BICC1: variants seen among roughly 807,000 people sequenced by gnomAD.
BICC1 encodes protein bicaudal C homolog 1.
Under a neutral mutation model 111.0 loss-of-function variants are expected in BICC1, and 43 were observed. That is an observed-to-expected ratio of 0.39 (90% CI 0.30 to 0.50). BICC1 has a LOEUF of 0.50. Ranked by LOEUF, BICC1 falls within the 20% of genes least tolerant of loss-of-function variation. The pLI is 0.88. For synonymous variants in BICC1, 467 were observed against 434.4 expected (o/e 1.07, Z -0.93); for missense variants, 1,091 against 1,203.2 (o/e 0.91, Z 1.38).
At chr10:58,573,503 AT>A (rs1312647873) in intron 1 of BICC1, among the ~76,000 whole-genome samples, 3 of 152,134 alleles carry the variant, frequency 2.0e-5, no homozygotes, top group Admixed American at 2.0e-4. Context: ...AATTTGATGG[AT>A]TATAATTCTT....
rs1192029428 is a variant in BICC1, at chr10:58,521,779, T to G, written c.190+8446T>G. Reference sequence around the variant, plus strand: ...CCAGGGAATGTGGTGTTTTTTTTTTTTTTTTTTTTTTTTTTTTTTTTTTTT... The same window carrying G: ...CCAGGGAATGTGGTGTTTTTTTTTTGTTTTTTTTTTTTTTTTTTTTTTTTT... On this transcript the variant is annotated intron_variant, in intron 1 of 20. Coordinates refer to ENST00000373886, the MANE Select transcript of BICC1 (RefSeq NM_001080512.3). Among the ~76,000 whole-genome samples, 54 of 28,846 alleles carry G rather than the reference T, an allele frequency of 1.9e-3. 1 individual carries two copies. Among genetic ancestry groups the G allele is most frequent in the African/African-American group, 0.013 (48 of 3,576 alleles). The allele number at this position is 28,846 out of a possible 152,430, so 18.9% of individuals were successfully genotyped here.
intron 3 of BICC1, among the ~76,000 whole-genome samples, chr10:58,760,462 G>A (rs4948316): frequency 1 from 152,087 of 152,288 alleles, 75,943 homozygotes; most frequent in Middle Eastern, 1. Context: ...TAGGTTTTCT[G>A]AATCATTTAT....
rs369581068 is a variant in BICC1, at chr10:58,562,531, T to A, written c.190+49198T>A. Among the ~76,000 whole-genome samples, 4 of 152,304 alleles carry A rather than the reference T, an allele frequency of 2.6e-5. No individual in the cohort carries two copies. In the South Asian group the frequency reaches 8.3e-4, roughly 32 times the overall value. On this transcript the variant is annotated intron_variant, in intron 1 of 20. Transcript: ENST00000373886. ...GATCATGAATTGTTTTTGTTTTCAT[T>A]GAATTCTCAGTCTGTATTCTCTTGT...
At chr10:58,610,775 C>T (rs1845393467) in intron 1 of BICC1, among the ~76,000 whole-genome samples, 1 of 151,870 alleles carries the variant, frequency 6.6e-6, no homozygotes, top group African/African-American at 2.4e-5. Context: ...TTTTGCGGTT[C>T]ACACATTTTG....
In BICC1 at chr10:58,513,256, G is replaced by A. The variant is rs1298181941; in HGVS notation, c.113G>A (p.Gly38Glu). The A allele has an allele frequency of 6.2e-7, 1 of 1,613,052 alleles. No individual in the cohort carries two copies. Among genetic ancestry groups the A allele is most frequent in the Non-Finnish European group, 8.5e-7 (1 of 1,179,686 alleles). ...VPGSEDDLVA[G>E]ATLHSPEWSE... ...GGCTCCGAGGACGACTTGGTCGCCG[G>A]GGCGACCCTGCACAGCCCGGAGTGG... The change falls in exon 1 of 21, where the codon GGG becomes GAG. Residue 38 changes from glycine to glutamate, a missense_variant. Gly to Glu is a moderately conservative substitution (Grantham distance 98). Coordinates refer to ENST00000373886, the MANE Select transcript of BICC1 (RefSeq NM_001080512.3).
At chr10:58,639,753 C>T (rs1451227971) in intron 2 of BICC1, among the ~76,000 whole-genome samples, 2 of 113,002 alleles carry the variant, frequency 1.8e-5, no homozygotes, top group African/African-American at 6.5e-5. Flanking sequence ...GAGACAGGGT[C>T]CTTCGTCTCC....
At chr10:58,590,446 A>G (rs930665453) in intron 1 of BICC1, among the ~76,000 whole-genome samples, 5 of 152,186 alleles carry the variant, frequency 3.3e-5, no homozygotes, top group African/African-American at 9.7e-5. Flanking sequence ...ATCTCTCCCC[A>G]TTTTAGAGTA....
chr10:58,771,550 G>A (rs1052226775), intron 3 of BICC1, among the ~76,000 whole-genome samples: 2 of 152,034 alleles, frequency 1.3e-5, no homozygotes, highest in Non-Finnish European at 2.9e-5. Flanking sequence ...TGCACTGGAG[G>A]GGCCTGACAA....
At chr10:58,529,541 A>G (rs954996478) in intron 1 of BICC1, among the ~76,000 whole-genome samples, 1 of 151,934 alleles carries the variant, frequency 6.6e-6, no homozygotes, top group African/African-American at 2.4e-5. Flanking sequence ...TGTTTTGGTA[A>G]GATTTTATCT....
chr10:58,802,951 T>C, intron 14 of BICC1, 126 bp from the exon 15 acceptor site: 1 of 933,654 alleles, frequency 1.1e-6, no homozygotes, highest in Admixed American at 3.7e-5. Flanking sequence ...GTTGTGAGGA[T>C]TAAATGAGAG....
chr10:58,522,769 G>A (rs1237859981), intron 1 of BICC1, among the ~76,000 whole-genome samples: 1 of 152,016 alleles, frequency 6.6e-6, no homozygotes, highest in African/African-American at 2.4e-5. Context: ...CCAGGAGCTG[G>A]TTTTTTGAAA....
At chr10:58,534,442 G>A (rs1429208737) in intron 1 of BICC1, among the ~76,000 whole-genome samples, 1 of 151,672 alleles carries the variant, frequency 6.6e-6, no homozygotes, top group Non-Finnish European at 1.5e-5. Context: ...ACGAGCATCT[G>A]AGAAAAACAT....
chr10:58,781,169 A>G (rs1390456250), intron 3 of BICC1, among the ~76,000 whole-genome samples: 2 of 152,214 alleles, frequency 1.3e-5, no homozygotes, highest in Non-Finnish European at 2.9e-5. Flanking sequence ...AATTGAGATG[A>G]ATATCTGACA....
At chr10:58,702,405 G>A (rs1342819916) in intron 3 of BICC1, among the ~76,000 whole-genome samples, 1 of 152,102 alleles carries the variant, frequency 6.6e-6, no homozygotes, top group Non-Finnish European at 1.5e-5. Flanking sequence ...ATGCTTATTC[G>A]ATTGATATCC....
At chr10:58,525,781 C>T (rs1410220266) in intron 1 of BICC1, among the ~76,000 whole-genome samples, 1 of 151,954 alleles carries the variant, frequency 6.6e-6, no homozygotes, top group African/African-American at 2.4e-5. Context: ...TCTCACCATC[C>T]TAACAACCAT....
intron 1 of BICC1, among the ~76,000 whole-genome samples, chr10:58,583,112 T>C (rs1020735500): frequency 6.6e-6 from 1 of 152,212 alleles, no homozygotes; most frequent in Non-Finnish European, 1.5e-5. Context: ...CCTCTATCAG[T>C]TGAAGAAATA....
intron 1 of BICC1, among the ~76,000 whole-genome samples, chr10:58,573,103 T>G (rs182635998): frequency 1.8e-4 from 28 of 152,268 alleles, no homozygotes; most frequent in Admixed American, 6.5e-5. Flanking sequence ...GGAAGCTGCA[T>G]GTTCTTCCTG....
chr10:58,538,556 A>G (rs1372008928), intron 1 of BICC1, among the ~76,000 whole-genome samples: 1 of 151,854 alleles, frequency 6.6e-6, no homozygotes, highest in Non-Finnish European at 1.5e-5. Flanking sequence ...TAAGCAAAGA[A>G]TTTATGAATA....
intron 1 of BICC1, among the ~76,000 whole-genome samples, chr10:58,619,169 A>G (rs987865928): frequency 1.4e-4 from 21 of 152,194 alleles, no homozygotes; most frequent in African/African-American, 4.8e-4. Context: ...TTGCCGTGTA[A>G]GATTCCAGGG....
Sources: gnomAD v4.1 joint callset for allele counts (sites outside exome capture counted in the v4.1 genomes callset) on GRCh38, gnomAD v4.1.1 for gene constraint, MANE v1.5 for transcripts, NCBI Gene and HGNC (gene_info 2026-07-23, HGNC 2026-07-21) for gene names.